Variants in ZC3H18 observed in about 807,000 individuals in gnomAD.
ZC3H18 encodes the protein zinc finger CCCH-type containing 18, also known as zinc finger CCCH domain-containing protein 18.
In ZC3H18, 8 loss-of-function variants were observed where a neutral mutation model predicts 106.1. The ratio of observed to expected loss-of-function variants is 0.08; its 90% CI spans 0.04 to 0.14. The LOEUF is 0.14. ZC3H18 is among the 10% of genes least tolerant of loss of function. The pLI is 1.00. For synonymous variants in ZC3H18, 635 were observed against 522.1 expected (o/e 1.22, Z -2.95); for missense variants, 1,318 against 1,278.4 (o/e 1.03, Z -0.47).
intron 8 of ZC3H18, among the ~76,000 whole-genome samples, chr16:88,618,906 G>C (rs2073334927): frequency 6.6e-6 from 1 of 152,184 alleles, no homozygotes; most frequent in African/African-American, 2.4e-5. Context: ...GGCTCCCTCT[G>C]CGCAGGCCCC....
At chr16:88,606,814 C>G (rs1334027589) in intron 6 of ZC3H18, among the ~76,000 whole-genome samples, 5 of 152,132 alleles carry the variant, frequency 3.3e-5, no homozygotes, top group East Asian at 1.9e-4. Flanking sequence ...AAGCTGTGTC[C>G]TTTGGGAGAG....
intron 3 of ZC3H18, among the ~76,000 whole-genome samples, chr16:88,589,739 G>A (rs564206219): frequency 2.2e-4 from 34 of 152,288 alleles, no homozygotes; most frequent in African/African-American, 7.5e-4. Context: ...GTGACAGAAG[G>A]GAGCACAGAA....
In ZC3H18 at chr16:88,580,190, GTGTGTGTGTGTGTGTGTGTA is replaced by G. The variant is rs201028146; in HGVS notation, c.603+2466_603+2485del. Among the ~76,000 whole-genome samples the G allele has an allele frequency of 1.4e-3, 113 of 80,248 alleles. 2 individuals carry two copies. In the Middle Eastern group the frequency reaches 0.028, roughly 20 times the overall value. 52.6% of individuals were successfully genotyped at this position (80,248 alleles called of 152,430 possible). A position where few individuals can be genotyped will look rare whatever the true frequency, so the allele number is the denominator to read the frequency against. Reference sequence around the variant, plus strand: ...TGTGTGTGTGTGTGTGTGTGTGTGTGTGTGTGTGTGTGTGTGTGTATATGTATATGTCTCTGCCTGCTGCT... The same window carrying G: ...TGTGTGTGTGTGTGTGTGTGTGTGTGTATGTATATGTCTCTGCCTGCTGCT... On this transcript the variant is annotated intron_variant, in intron 2 of 17. Coordinates refer to ENST00000301011, the MANE Select transcript of ZC3H18 (RefSeq NM_144604.4).
intron 1 of ZC3H18, among the ~76,000 whole-genome samples, chr16:88,574,932 C>G (rs1306502876): frequency 6.6e-6 from 1 of 150,828 alleles, no homozygotes. Flanking sequence ...TGGGTTCACG[C>G]CATTCTCCTG....
At chr16:88,592,394 G>C (rs185414717) in intron 3 of ZC3H18, among the ~76,000 whole-genome samples, 1 of 152,300 alleles carries the variant, frequency 6.6e-6, no homozygotes, top group Admixed American at 6.5e-5. Context: ...AGTGTCATCT[G>C]TGAACCCCTG....
rs1388259997 is a variant in ZC3H18, at chr16:88,631,701, C to T, written c.*402C>T. On this transcript the variant is annotated 3_prime_UTR_variant, in exon 18 of 18. Transcript: ENST00000301011. Reference sequence around the variant, plus strand: ...CCTCCTGAGCTGAGAAACGGAACCTCGCGAACCACTGGTGGCACATCCTTC... The same window carrying T: ...CCTCCTGAGCTGAGAAACGGAACCTTGCGAACCACTGGTGGCACATCCTTC... 1.3e-5 allele frequency: 6 copies of T among 452,386 alleles called. No individual in the cohort carries two copies. Among genetic ancestry groups the T allele is most frequent in the African/African-American group, 6.0e-5 (3 of 49,930 alleles). The allele number at this position is 452,386 out of a possible 1,614,324, so 28.0% of individuals were successfully genotyped here.
At chr16:88,580,361 T>C (rs1915050718) in intron 2 of ZC3H18, among the ~76,000 whole-genome samples, 1 of 152,034 alleles carries the variant, frequency 6.6e-6, no homozygotes, top group Non-Finnish European at 1.5e-5. Context: ...CGGGGCACAT[T>C]GAAGGTGAGA....
In ZC3H18 at chr16:88,624,740, C is replaced by G. The variant is rs774852012; in HGVS notation, c.2037C>G (p.Pro679=). 5.0e-6 allele frequency: 8 copies of G among 1,611,882 alleles called. No homozygotes were observed. Among genetic ancestry groups the G allele is most frequent in the Non-Finnish European group, 6.8e-6 (8 of 1,179,326 alleles). The change falls in exon 12 of 18, where the codon CCC becomes CCG. Residue 679 remains proline, a synonymous_variant. Transcript: ENST00000301011. ...AGGAGCGGCCAGCCAGGACCCCCCC[C>G]AGGAGGTGAGCACTCCGGCGTCCGG... ...RRKERPARTP[P]RRRTLSGSGS...
At chr16:88,621,734 A>G (rs977370202) in intron 8 of ZC3H18, among the ~76,000 whole-genome samples, 1 of 151,436 alleles carries the variant, frequency 6.6e-6, no homozygotes, top group Non-Finnish European at 1.5e-5. Flanking sequence ...CAAGTAATCC[A>G]CCCGCCTCGT....
In ZC3H18 at chr16:88,627,791, G is replaced by C. The variant is rs763466138; in HGVS notation, c.2269+9G>C. The C allele has an allele frequency of 7.5e-5, 120 of 1,610,128 alleles. No individual in the cohort carries two copies. The highest frequency in any genetic ancestry group is 1.0e-4 in the Non-Finnish European group (119 of 1,177,318). ...GACCAGGAAGGAGAAAGGTACTCAGGAGCCCTGGTACCTTTGGGGAGCAGC... is the reference window on the plus strand; with the variant it reads ...GACCAGGAAGGAGAAAGGTACTCAGCAGCCCTGGTACCTTTGGGGAGCAGC... On this transcript the variant is annotated intron_variant, in intron 14 of 17. Transcript: ENST00000301011. This position sits in a 1 kb window ranked among gnomAD's most constrained non-coding sequence, Gnocchi z 4.5.
At chr16:88,589,432 G>A (rs1306238821) in intron 3 of ZC3H18, among the ~76,000 whole-genome samples, 1 of 152,244 alleles carries the variant, frequency 6.6e-6, no homozygotes, top group Non-Finnish European at 1.5e-5. Flanking sequence ...GTGAGGAATG[G>A]ATAAACAAGT....
At chr16:88,594,644 G>C (rs1210750683) in intron 3 of ZC3H18, among the ~76,000 whole-genome samples, 6 of 152,192 alleles carry the variant, frequency 3.9e-5, no homozygotes, top group African/African-American at 1.4e-4. Flanking sequence ...TATATGCTCA[G>C]GTAAAAGGGG....
rs1567600609 is a variant in ZC3H18, at chr16:88,627,488, C to T, written c.2109-134C>T. On this transcript the variant is annotated intron_variant, in intron 13 of 17. Coordinates refer to ENST00000301011, the MANE Select transcript of ZC3H18 (RefSeq NM_144604.4). This position sits in a 1 kb window ranked among gnomAD's most constrained non-coding sequence, Gnocchi z 4.5. ...TTGTAACCCTGAAACTGCCCAGTGT[C>T]CCCCCAAAATCACACATTCCGTGGG... The T allele has an allele frequency of 4.8e-6, 6 of 1,249,910 alleles. No individual in the cohort carries two copies. Among genetic ancestry groups the T allele is most frequent in the East Asian group, 2.4e-5 (1 of 41,726 alleles). The allele number at this position is 1,249,910 out of a possible 1,614,324, so 77.4% of individuals were successfully genotyped here.
rs1906357661 is a variant in ZC3H18 at position 88,627,079 on chromosome 16, T to C, written c.2109-543T>C. On this transcript the variant is annotated intron_variant, in intron 13 of 17. Transcript: ENST00000301011. The surrounding 1 kb of genome is among the most constrained non-coding windows in gnomAD (Gnocchi z 4.5). ...AACCTGACATTCGTTTTGTTTTTTG[T>C]TTGTTTTGAGACGGAGTTTCACTCT... 1.3e-5 allele frequency: 2 copies of C among 152,246 alleles called. No homozygotes were observed. Among genetic ancestry groups the C allele is most frequent in the Admixed American group, 1.3e-4 (2 of 15,298 alleles). The allele number at this position is 152,246 out of a possible 1,614,324, so 9.4% of individuals were successfully genotyped here. A position where few individuals can be genotyped will look rare whatever the true frequency, so the allele number is the denominator to read the frequency against.
At chr16:88,619,189 G>C (rs1905805941) in intron 8 of ZC3H18, among the ~76,000 whole-genome samples, 1 of 152,158 alleles carries the variant, frequency 6.6e-6, no homozygotes, top group Non-Finnish European at 1.5e-5. Flanking sequence ...GGCTGAGGCA[G>C]GAGAATGGCA....
In ZC3H18 at chr16:88,623,233, C is replaced by T; in HGVS notation, c.1682C>T (p.Ser561Leu). ...GCCCGCCCCAGGTCGTCTTCGCGGT[C>T]ATCGTCCTACTCTGGCTCCGGCTCC... ...ASNSSRSSSRSSSYSGSGSSR... is the reference protein window; with the variant it reads ...ASNSSRSSSRLSSYSGSGSSR... The change falls in exon 10 of 18, where the codon TCA (serine) becomes TTA (leucine). Residue 561 changes from serine to leucine, a missense_variant. Physicochemically the swap from Ser to Leu is moderately radical, Grantham distance 145. Around this residue, in one of 6 missense-constraint regions of ZC3H18, gnomAD observed 848 missense variants for 821.7 expected, o/e 1.03. Transcript: ENST00000301011. 2 of 1,613,268 alleles carry T rather than the reference C, an allele frequency of 1.2e-6. No individual in the cohort carries two copies. Among genetic ancestry groups the T allele is most frequent in the Non-Finnish European group, 1.7e-6 (2 of 1,179,926 alleles).
intron 6 of ZC3H18, among the ~76,000 whole-genome samples, chr16:88,603,980 A>G (rs77641721): frequency 2.9e-3 from 440 of 151,976 alleles, no homozygotes; most frequent in African/African-American, 0.01. Context: ...AGACAGACGC[A>G]CTCTGATTCG....
chr16:88,583,250 G>A (rs992846312), intron 2 of ZC3H18, among the ~76,000 whole-genome samples: 17 of 148,456 alleles, frequency 1.1e-4, no homozygotes, highest in African/African-American at 3.9e-4. Flanking sequence ...GAAAGGAAAA[G>A]AAAAGGCTGC....
At chr16:88,626,207 T>A (rs1380054667) in intron 13 of ZC3H18, 1 of 152,042 alleles carries the variant, frequency 6.6e-6, no homozygotes, top group African/African-American at 2.4e-5. Context: ...CCGCCTCGGC[T>A]TCCCAAAGTG....
Sources: allele counts gnomAD v4.1 joint callset (sites outside exome capture counted in the v4.1 genomes callset), GRCh38; gene constraint gnomAD v4.1.1; regional missense constraint gnomAD v4.1.1; non-coding constraint Gnocchi (gnomAD v3.1); transcripts MANE v1.5; gene names NCBI Gene and HGNC (gene_info 2026-07-23, HGNC 2026-07-21).